TRIM33: variants seen among roughly 807,000 people sequenced by gnomAD.
TRIM33 encodes E3 ubiquitin-protein ligase TRIM33.
TRIM33 carries 20 observed loss-of-function variants against 125.4 expected under a neutral mutation model. That is an observed-to-expected ratio of 0.16 (90% CI 0.11 to 0.23). The LOEUF (loss-of-function observed/expected upper bound fraction) is 0.23, where lower values mean the gene tolerates loss of function less well. Ranked by LOEUF, TRIM33 falls within the 10% of genes least tolerant of loss-of-function variation. The pLI, the probability that TRIM33 is intolerant of heterozygous loss-of-function variation, is 1.00. For synonymous variants in TRIM33, 564 were observed against 513.9 expected (o/e 1.10, Z -1.32); for missense variants, 920 against 1,411.4 (o/e 0.65, Z 5.58).
intron 11 of TRIM33, among the ~76,000 whole-genome samples, chr1:114,412,436 T>C (rs1347554871): frequency 6.6e-6 from 1 of 152,268 alleles, no homozygotes; most frequent in Non-Finnish European, 1.5e-5. Context: ...CATTTTCACA[T>C]AGTCTACAAC....
chr1:114,441,584 G>C lies in TRIM33; in HGVS notation c.924-7851C>G, dbSNP rs1648656251. Among the ~76,000 whole-genome samples, 3 of 152,180 alleles carry C rather than the reference G, an allele frequency of 2.0e-5. No homozygotes were observed. In the South Asian group the frequency reaches 6.2e-4, roughly 31 times the overall value. ...CAAAGATAGGAACTAGGCATGCACAGAGAGATAACAGATGAGCTGTAAATA... is the reference window on the plus strand; with the variant it reads ...CAAAGATAGGAACTAGGCATGCACACAGAGATAACAGATGAGCTGTAAATA... On this transcript the variant is annotated intron_variant, in intron 4 of 19. Coordinates refer to ENST00000358465, the MANE Select transcript of TRIM33 (RefSeq NM_015906.4).
At chr1:114,480,058 G>C (rs2101478147) in intron 1 of TRIM33, among the ~76,000 whole-genome samples, 1 of 152,358 alleles carries the variant, frequency 6.6e-6, no homozygotes, top group African/African-American at 2.4e-5. Context: ...TGTGGGGAAA[G>C]ATAGAGAAAT....
intron 1 of TRIM33, among the ~76,000 whole-genome samples, chr1:114,497,070 T>C (rs1300467177): frequency 6.6e-6 from 1 of 152,212 alleles, no homozygotes; most frequent in East Asian, 1.9e-4. Flanking sequence ...AGGTATGCAA[T>C]ATTTTGGACA....
Position 114,405,568 on chromosome 1 carries a change from C to A in TRIM33, c.2610G>T (p.Arg870Ser). The part of the protein sequence containing the change: ...GKSPIRSLMH[R>S]SARIGGDGNN... ...TGCCATCTCCTCCAATCCTTGCCGACCTGTGCATGAGGCTTCGAATTGGGG... is the reference window on the plus strand; with the variant it reads ...TGCCATCTCCTCCAATCCTTGCCGAACTGTGCATGAGGCTTCGAATTGGGG... Residue 870 changes from arginine to serine, a missense_variant, in exon 15 of 20, where the codon AGG becomes AGT. Transcript: ENST00000358465. The A allele has an allele frequency of 6.2e-7, 1 of 1,614,228 alleles. No individual in the cohort carries two copies. The highest frequency in any genetic ancestry group is 1.6e-4 in the Middle Eastern group (1 of 6,062).
chr1:114,429,941 CT>C (rs1647837244), intron 6 of TRIM33, among the ~76,000 whole-genome samples: 1 of 152,056 alleles, frequency 6.6e-6, no homozygotes, highest in Non-Finnish European at 1.5e-5. Context: ...CATGAACTGA[CT>C]AGATTTTCAT....
At chr1:114,419,707 A>G (rs988896836) in intron 11 of TRIM33, among the ~76,000 whole-genome samples, 3 of 152,214 alleles carry the variant, frequency 2.0e-5, no homozygotes, top group Non-Finnish European at 2.9e-5. Context: ...AATTTTGTTA[A>G]CAGTGCATTG....
rs372795084 is a variant in TRIM33, at chr1:114,486,546, C to CAAAA, written c.527-22162_527-22159dup. On this transcript the variant is annotated intron_variant, in intron 1 of 19. Transcript: ENST00000358465. ...TGGGCAACACAGTGGGACCCTATCT[C>CAAAA]AAAAAAAAAAAAAAAAAAAACCCAA... is the stretch of plus-strand genomic sequence containing the variant. Among the ~76,000 whole-genome samples, 66 of 65,234 alleles carry CAAAA rather than the reference C, an allele frequency of 1.0e-3. 1 individual carries two copies. The highest frequency in any genetic ancestry group is 2.9e-3 in the African/African-American group (53 of 18,210). The allele number at this position is 65,234 out of a possible 152,430, so 42.8% of individuals were successfully genotyped here. A position where few individuals can be genotyped will look rare whatever the true frequency, so the allele number is the denominator to read the frequency against.
chr1:114,445,725 G>A (rs1380090134), intron 4 of TRIM33, among the ~76,000 whole-genome samples: 4 of 152,046 alleles, frequency 2.6e-5, no homozygotes, highest in African/African-American at 7.2e-5. Context: ...CATTCAGGAA[G>A]GAACAATACG....
At chr1:114,402,616 G>A (rs1651968544) in intron 16 of TRIM33, 144 bp downstream of exon 16, 9 of 975,802 alleles carry the variant, frequency 9.2e-6, no homozygotes, top group Non-Finnish European at 1.3e-5. Context: ...AAAGACTTCA[G>A]AAATCATCAA....
intron 1 of TRIM33, among the ~76,000 whole-genome samples, chr1:114,476,159 G>C (rs1392725742): frequency 6.6e-6 from 1 of 151,632 alleles, no homozygotes; most frequent in African/African-American, 2.4e-5. Flanking sequence ...ATACATTTTT[G>C]GGTATGTCTG....
At chr1:114,401,555 T>C (rs554522200) in intron 16 of TRIM33, 92 bp from the exon 17 acceptor site, 9 of 1,073,540 alleles carry the variant, frequency 8.4e-6, no homozygotes, top group African/African-American at 3.2e-5. Flanking sequence ...CAAAGTTTGA[T>C]TACAACAAAC....
intron 4 of TRIM33, among the ~76,000 whole-genome samples, chr1:114,456,475 CG>C (rs1649632519): frequency 6.6e-6 from 1 of 152,044 alleles, no homozygotes; most frequent in Non-Finnish European, 1.5e-5. Flanking sequence ...GAAGTAGTTC[CG>C]CCATAGCATC....
rs138653599 is a variant in TRIM33, at chr1:114,393,562, G to A, written c.*4086C>T. 278 of 204,200 alleles carry A rather than the reference G, an allele frequency of 1.4e-3. No individual in the cohort carries two copies. Among genetic ancestry groups the A allele is most frequent in the African/African-American group, 5.6e-3 (247 of 43,870 alleles). The allele number at this position is 204,200 out of a possible 1,614,324, so 12.6% of individuals were successfully genotyped here. A position where few individuals can be genotyped will look rare whatever the true frequency, so the allele number is the denominator to read the frequency against. ...CCAAATTAACTTATTTTTGAAGATA[G>A]TTTTGTTTCTTCGATACAATAAAAA... On this transcript the variant is annotated 3_prime_UTR_variant, in exon 20 of 20. Coordinates refer to ENST00000358465, the MANE Select transcript of TRIM33 (RefSeq NM_015906.4).
At chr1:114,398,783 A>T (rs1157343368) in intron 18 of TRIM33, among the ~76,000 whole-genome samples, 1 of 151,806 alleles carries the variant, frequency 6.6e-6, no homozygotes, top group African/African-American at 2.4e-5. Context: ...TTCTCCTACA[A>T]TGAAACTCTT....
At chr1:114,463,376 G>A (rs1479303686) in intron 3 of TRIM33, 36 bp downstream of exon 3, 1 of 1,590,756 alleles carries the variant, frequency 6.3e-7, no homozygotes, top group Non-Finnish European at 8.6e-7. Flanking sequence ...GAGGTTAACT[G>A]TAATCATTGT....
At chr1:114,450,212 C>G (rs965859987) in intron 4 of TRIM33, among the ~76,000 whole-genome samples, 3 of 152,132 alleles carry the variant, frequency 2.0e-5, no homozygotes, top group African/African-American at 7.2e-5. Flanking sequence ...TGAGCCAAGA[C>G]CGCACCATCG....
At position 114,430,719 on chromosome 1, in the gene TRIM33, A is replaced by G; in HGVS notation, c.1155+79T>C. On this transcript the variant is annotated intron_variant, in intron 6 of 19. Coordinates refer to ENST00000358465, the MANE Select transcript of TRIM33 (RefSeq NM_015906.4). The stretch of plus-strand genomic sequence containing the variant: ...ATTTCCATACCCCCCAATCCATCTA[A>G]AATAGTTTTCAATAAACATTAAAAA... 8.5e-6 allele frequency: 7 copies of G among 822,310 alleles called. No individual in the cohort carries two copies. The South Asian group carries it at 9.8e-5, about 12-fold the overall frequency. 50.9% of individuals were successfully genotyped at this position (822,310 alleles called of 1,614,324 possible). A position where few individuals can be genotyped will look rare whatever the true frequency, so the allele number is the denominator to read the frequency against.
At chr1:114,487,934 G>C (rs1475043449) in intron 1 of TRIM33, among the ~76,000 whole-genome samples, 1 of 138,862 alleles carries the variant, frequency 7.2e-6, no homozygotes, top group Non-Finnish European at 1.5e-5. Flanking sequence ...AAAAAAATGA[G>C]AGTAAATATA....
rs3077592 is a variant in TRIM33 at position 114,414,027 on chromosome 1, GCACACACACACACACACACACACA to G, written c.2062-3735_2062-3712del. ...CAAAATAAACCAAAATAAATCACAG[GCACACACACACACACACACACACA>G]CACACACACACACACACACGTTTTT... On this transcript the variant is annotated intron_variant, in intron 11 of 19. Coordinates refer to ENST00000358465, the MANE Select transcript of TRIM33 (RefSeq NM_015906.4). 3.1e-5 allele frequency among the ~76,000 whole-genome samples: 4 copies of G among 130,586 alleles called. No homozygotes were observed. The East Asian group carries it at 9.3e-4, about 30-fold the overall frequency. The allele number at this position is 130,586 out of a possible 152,430, so 85.7% of individuals were successfully genotyped here.
Sources: allele counts gnomAD v4.1 joint callset (sites outside exome capture counted in the v4.1 genomes callset), GRCh38; gene constraint gnomAD v4.1.1; transcripts MANE v1.5; gene names NCBI Gene and HGNC (gene_info 2026-07-23, HGNC 2026-07-21).